TASP1: variants seen among roughly 807,000 people sequenced by gnomAD.
TASP1 encodes taspase 1, also known as threonine aspartase 1.
TASP1 carries 16 observed loss-of-function variants against 56.6 expected under a neutral mutation model. That is an observed-to-expected ratio of 0.28 (90% confidence interval 0.19 to 0.43). The LOEUF (loss-of-function observed/expected upper bound fraction) is 0.43. TASP1 is among the 20% of genes least tolerant of loss of function. TASP1 has a pLI of 1.00. For missense variants in TASP1, 393 were observed against 511.6 expected (o/e 0.77, Z 2.24); for synonymous variants, 179 against 184.2 (o/e 0.97, Z 0.23).
intron 8 of TASP1, among the ~76,000 whole-genome samples, chr20:13,557,305 T>C (rs909940080): frequency 6.6e-6 from 1 of 152,202 alleles, no homozygotes; most frequent in African/African-American, 2.4e-5. Context: ...ATACAATGTC[T>C]AATAAAAGCT....
the TASP1 span, among the ~76,000 whole-genome samples, chr20:13,326,209 C>T: frequency 2.0e-5 from 3 of 152,084 alleles, no homozygotes; most frequent in African/African-American, 4.8e-5. Context: ...TTTATCCACT[C>T]GCCTACTAAA....
chr20:13,198,623 G>A, the TASP1 span, among the ~76,000 whole-genome samples: 225 of 152,220 alleles, frequency 1.5e-3, 2 homozygotes, highest in East Asian at 0.038. Flanking sequence ...TATAGGCAAG[G>A]CAATATCTGG....
At chr20:13,371,995 ATCT>A in the TASP1 span, among the ~76,000 whole-genome samples, 17 of 152,328 alleles carry the variant, frequency 1.1e-4, no homozygotes, top group African/African-American at 3.1e-4. Flanking sequence ...TGCATGATAC[ATCT>A]TCTTCCACCT....
the TASP1 span, among the ~76,000 whole-genome samples, chr20:13,364,845 G>A: frequency 0.016 from 2,489 of 152,250 alleles, 29 homozygotes; most frequent in Admixed American, 0.026. Flanking sequence ...CCCACAGCAG[G>A]TTTCTGTGCA....
At chr20:13,313,487 A>G in the TASP1 span, among the ~76,000 whole-genome samples, 17 of 152,076 alleles carry the variant, frequency 1.1e-4, no homozygotes, top group Non-Finnish European at 2.1e-4. Context: ...CCTCACTTCC[A>G]TTTTCTGTAC....
At chr20:13,214,586 G>GAGAGAGAGAGAGAGAGAGAGAC in the TASP1 span, among the ~76,000 whole-genome samples, 21 of 150,526 alleles carry the variant, frequency 1.4e-4, no homozygotes, top group Non-Finnish European at 2.4e-4. Flanking sequence ...GAGAGAGAGA[G>GAGAGAGAGAGAGAGAGAGAGAC]AGACAGAAAG....
At chr20:13,456,700 T>C (rs1306691288) in intron 11 of TASP1, among the ~76,000 whole-genome samples, 4 of 152,122 alleles carry the variant, frequency 2.6e-5, no homozygotes, top group South Asian at 2.1e-4. Flanking sequence ...ATCAGTGGCA[T>C]TGAAAGACCA....
the TASP1 span, among the ~76,000 whole-genome samples, chr20:13,142,284 A>G: frequency 7.2e-5 from 11 of 152,248 alleles, no homozygotes; most frequent in Non-Finnish European, 1.2e-4. Context: ...ATCCTTTTAC[A>G]TGAGCCCTAC....
chr20:13,450,930 T>A (rs1290304586), intron 11 of TASP1, among the ~76,000 whole-genome samples: 1 of 152,144 alleles, frequency 6.6e-6, no homozygotes, highest in Non-Finnish European at 1.5e-5. Context: ...AGAATCACTA[T>A]CTATGGCAGC....
At chr20:13,226,588 C>T in the TASP1 span, among the ~76,000 whole-genome samples, 433 of 152,270 alleles carry the variant, frequency 2.8e-3, 6 homozygotes, top group African/African-American at 9.6e-3. Flanking sequence ...TGATATTACT[C>T]ATGTAGCTGT....
At chr20:13,492,761 A>C (rs1164160340) in intron 10 of TASP1, among the ~76,000 whole-genome samples, 3 of 152,224 alleles carry the variant, frequency 2.0e-5, no homozygotes, top group African/African-American at 7.2e-5. Flanking sequence ...AAAACAACTC[A>C]GGCTTTTCAA....
the TASP1 span, among the ~76,000 whole-genome samples, chr20:13,337,874 G>A: frequency 6.6e-6 from 1 of 152,136 alleles, no homozygotes; most frequent in Non-Finnish European, 1.5e-5. Flanking sequence ...TGGAAATTTA[G>A]TACACATGGA....
At chr20:13,458,377 C>T (rs1338994357) in intron 11 of TASP1, among the ~76,000 whole-genome samples, 1 of 152,058 alleles carries the variant, frequency 6.6e-6, no homozygotes, top group Non-Finnish European at 1.5e-5. Context: ...GATGGGGTTT[C>T]GCTCTTGTTG....
chr20:13,230,203 G>GT, the TASP1 span, among the ~76,000 whole-genome samples: 4 of 152,276 alleles, frequency 2.6e-5, no homozygotes, highest in Non-Finnish European at 4.4e-5. Flanking sequence ...TCATACAAGT[G>GT]TTTTTTAACA....
chr20:13,192,311 T>C, the TASP1 span, among the ~76,000 whole-genome samples: 1 of 151,846 alleles, frequency 6.6e-6, no homozygotes, highest in Non-Finnish European at 1.5e-5. Context: ...CCAGAGAGGG[T>C]GGATAGCTTG....
intron 10 of TASP1, among the ~76,000 whole-genome samples, chr20:13,498,341 G>A (rs1251664777): frequency 7.6e-6 from 1 of 131,182 alleles, no homozygotes; most frequent in Admixed American, 7.7e-5. Flanking sequence ...TTGTGTGTGT[G>A]TGTGTGTGTG....
chr20:13,120,041 A>T, the TASP1 span, among the ~76,000 whole-genome samples: 2 of 152,216 alleles, frequency 1.3e-5, no homozygotes, highest in African/African-American at 4.8e-5. Context: ...TATAATTTCA[A>T]GTCAAACATA....
intron 8 of TASP1, among the ~76,000 whole-genome samples, chr20:13,535,426 CT>C (rs2045380346): frequency 6.6e-6 from 1 of 152,166 alleles, no homozygotes; most frequent in Non-Finnish European, 1.5e-5. Context: ...GCTCTAAATT[CT>C]AACTTCCCTT....
At chr20:13,601,149 G>A (rs1321254758) in intron 4 of TASP1, among the ~76,000 whole-genome samples, 2 of 152,004 alleles carry the variant, frequency 1.3e-5, no homozygotes, top group African/African-American at 4.8e-5. Context: ...TGTGATGGCA[G>A]GCACCTGTAG....
Sources: allele counts gnomAD v4.1 joint callset (sites outside exome capture counted in the v4.1 genomes callset), GRCh38; gene constraint gnomAD v4.1.1; transcripts MANE v1.5; gene names NCBI Gene and HGNC (gene_info 2026-07-23, HGNC 2026-07-21).